The following MYCBP2 variants were observed in gnomAD, a reference collection of about 807,000 sequenced individuals.
The protein encoded by MYCBP2 is E3 ubiquitin-protein ligase MYCBP2.
In MYCBP2, 120 loss-of-function variants were observed where a neutral mutation model predicts 525.3. That is an observed-to-expected ratio of 0.23 (90% CI 0.20 to 0.27). MYCBP2 has a LOEUF of 0.27. Ranked by LOEUF, MYCBP2 falls within the 10% of genes least tolerant of loss-of-function variation. The pLI is 1.00. For synonymous variants in MYCBP2, 1,894 were observed against 1,955.8 expected (o/e 0.97, Z 0.83); for missense variants, 4,149 against 5,657.1 (o/e 0.73, Z 8.55).
intron 2 of MYCBP2, 101 bp downstream of exon 2, chr13:77,296,498 A>C: frequency 7.7e-7 from 1 of 1,292,854 alleles, no homozygotes; most frequent in Non-Finnish European, 1.0e-6. Context: ...ACTTCAGCAC[A>C]TACTAATAAA....
chr13:77,212,454 A>G (rs2154282534), intron 21 of MYCBP2, among the ~76,000 whole-genome samples: 1 of 152,346 alleles, frequency 6.6e-6, no homozygotes, highest in South Asian at 2.1e-4. Context: ...CTTCACCTAC[A>G]TTTAAATGAA....
In MYCBP2 at chr13:77,083,283, A is replaced by G. The variant is rs181799234; in HGVS notation, c.10876-91T>C. ...TATTATGTATACTTAAAAAATGGTC[A>G]TGTAACAGAAATACAAACAACAAAA... On this transcript the variant is annotated intron_variant, in intron 62 of 82. Coordinates refer to ENST00000544440, the MANE Select transcript of MYCBP2 (RefSeq NM_015057.5). 2.6e-6 allele frequency: 3 copies of G among 1,175,262 alleles called. No individual in the cohort carries two copies. In the Admixed American group the frequency reaches 8.1e-5, roughly 32 times the overall value. 72.8% of individuals were successfully genotyped at this position (1,175,262 alleles called of 1,614,324 possible). A position where few individuals can be genotyped will look rare whatever the true frequency, so the allele number is the denominator to read the frequency against.
chr13:77,291,203 T>C (rs1186765234), intron 2 of MYCBP2, among the ~76,000 whole-genome samples: 3 of 151,920 alleles, frequency 2.0e-5, no homozygotes, highest in Non-Finnish European at 4.4e-5. Flanking sequence ...AAGAAGACAA[T>C]TACAAAAATA....
At chr13:77,108,747 A>C (rs1183281916) in intron 55 of MYCBP2, among the ~76,000 whole-genome samples, 1 of 149,768 alleles carries the variant, frequency 6.7e-6, no homozygotes, top group African/African-American at 2.5e-5. Context: ...TCTGTTGCCC[A>C]GGCTAAAGTG....
At chr13:77,172,018 G>A (rs1022337879) in intron 37 of MYCBP2, among the ~76,000 whole-genome samples, 13 of 151,790 alleles carry the variant, frequency 8.6e-5, no homozygotes, top group Non-Finnish European at 1.8e-4. Context: ...CTCCTCCCTC[G>A]GCCTCCCAAA....
intron 3 of MYCBP2, among the ~76,000 whole-genome samples, chr13:77,281,813 C>T (rs1023013563): frequency 2.6e-5 from 4 of 152,118 alleles, no homozygotes; most frequent in Non-Finnish European, 5.9e-5. Flanking sequence ...AGTTTAGTTA[C>T]ATCACATTTG....
chr13:77,193,081 A>C (rs1470112831), intron 27 of MYCBP2, among the ~76,000 whole-genome samples: 2 of 152,176 alleles, frequency 1.3e-5, no homozygotes, highest in African/African-American at 2.4e-5. Flanking sequence ...GTGAGTTGAG[A>C]TCACACCACT....
chr13:77,266,773 G>A (rs898930208), intron 8 of MYCBP2, among the ~76,000 whole-genome samples: 3 of 128,384 alleles, frequency 2.3e-5, no homozygotes, highest in African/African-American at 1.0e-4. Flanking sequence ...AAAAAACCCT[G>A]TAGACATATC....
At chr13:77,250,676 TG>T (rs1239482203) in intron 15 of MYCBP2, among the ~76,000 whole-genome samples, 1 of 152,190 alleles carries the variant, frequency 6.6e-6, no homozygotes, top group Non-Finnish European at 1.5e-5. Context: ...GCAGGTATGA[TG>T]TAACTTTAGA....
chr13:77,098,468 A>G lies in MYCBP2; in HGVS notation c.8686T>C (p.Ser2896Pro). The G allele has an allele frequency of 6.2e-7, 1 of 1,613,666 alleles. No homozygotes were observed. The highest frequency in any genetic ancestry group is 8.5e-7 in the Non-Finnish European group (1 of 1,179,794). The change falls in exon 56 of 83, where the codon TCA becomes CCA. Residue 2896 changes from serine to proline, a missense_variant. Ser to Pro is a moderately conservative substitution (Grantham distance 74). This residue lies in a region of MYCBP2 where 653 missense variants were observed against 744.7 expected (regional missense o/e 0.88). Coordinates refer to ENST00000544440, the MANE Select transcript of MYCBP2 (RefSeq NM_015057.5). ...MPLTEPLRGR[S>P]TSPKPKSVPK... is the part of the protein sequence containing the mutation. ...ACTGATTTTGGTTTTGGTGACGTTG[A>G]CCGTCCTCTCAAAGGTTCTGTGAGG...
At chr13:77,204,027 A>T (rs1369030101) in intron 26 of MYCBP2, among the ~76,000 whole-genome samples, 2 of 151,812 alleles carry the variant, frequency 1.3e-5, no homozygotes, top group Non-Finnish European at 2.9e-5. Flanking sequence ...AATGGCAACA[A>T]AAGACAAAAT....
chr13:77,236,880 T>A (rs535815715), intron 17 of MYCBP2, among the ~76,000 whole-genome samples: 1 of 151,584 alleles, frequency 6.6e-6, no homozygotes, highest in East Asian at 1.9e-4. Flanking sequence ...AAAAAATAAA[T>A]AAATAAATAA....
chr13:77,260,697 G>T lies in MYCBP2; in HGVS notation c.1853-105C>A, dbSNP rs1023535570. 14 of 1,002,752 alleles carry T rather than the reference G, an allele frequency of 1.4e-5. No homozygotes were observed. In the African/African-American group the frequency reaches 1.9e-4, roughly 14 times the overall value. The allele number at this position is 1,002,752 out of a possible 1,614,324, so 62.1% of individuals were successfully genotyped here. A position where few individuals can be genotyped will look rare whatever the true frequency, so the allele number is the denominator to read the frequency against. ...AAAAACCCATATTATTTGCATTTAT[G>T]ACACTATTTGTTTATTTTCACAAAG... On this transcript the variant is annotated intron_variant, in intron 12 of 82. Coordinates refer to ENST00000544440, the MANE Select transcript of MYCBP2 (RefSeq NM_015057.5).
intron 13 of MYCBP2, among the ~76,000 whole-genome samples, chr13:77,258,254 A>G (rs1213865266): frequency 5.3e-5 from 8 of 152,224 alleles, no homozygotes; most frequent in Admixed American, 5.2e-4. Flanking sequence ...TTATGTAGAA[A>G]CCAGTGAGAC....
chr13:77,109,212 C>A (rs1270529616), intron 55 of MYCBP2, among the ~76,000 whole-genome samples: 1 of 152,072 alleles, frequency 6.6e-6, no homozygotes, highest in East Asian at 1.9e-4. Context: ...TCTTGGGAGA[C>A]AATTTTTCCA....
intron 36 of MYCBP2, among the ~76,000 whole-genome samples, chr13:77,176,177 C>A (rs188987432): frequency 1.2e-4 from 18 of 152,102 alleles, no homozygotes; most frequent in Admixed American, 6.5e-4. Flanking sequence ...TCCCAATCTA[C>A]AGATAAGTCT....
intron 47 of MYCBP2, among the ~76,000 whole-genome samples, chr13:77,150,004 C>T (rs1025568601): frequency 2.6e-5 from 4 of 152,220 alleles, no homozygotes; most frequent in African/African-American, 9.6e-5. Context: ...ACCCAAAAGC[C>T]TTCAATGGCT....
At chr13:77,216,033 C>G (rs924608111) in intron 21 of MYCBP2, among the ~76,000 whole-genome samples, 1 of 152,134 alleles carries the variant, frequency 6.6e-6, no homozygotes, top group Non-Finnish European at 1.5e-5. Context: ...GGAGAAATGG[C>G]TGATTCTAGG....
intron 26 of MYCBP2, among the ~76,000 whole-genome samples, chr13:77,203,609 C>T (rs934987948): frequency 2.0e-5 from 3 of 152,162 alleles, no homozygotes; most frequent in African/African-American, 7.2e-5. Flanking sequence ...GCCAAAAGAA[C>T]AAAGCTGGAG....
Sources: allele counts gnomAD v4.1 joint callset (sites outside exome capture counted in the v4.1 genomes callset), GRCh38; gene constraint gnomAD v4.1.1; regional missense constraint gnomAD v4.1.1; transcripts MANE v1.5; gene names NCBI Gene and HGNC (gene_info 2026-07-23, HGNC 2026-07-21).